The following SMG6 variants were observed in gnomAD, a reference collection of about 807,000 sequenced individuals.
SMG6 encodes the protein SMG6 nonsense mediated mRNA decay factor, also known as telomerase-binding protein EST1A.
In SMG6, 66 loss-of-function variants were observed where a neutral mutation model predicts 142.2. That is an observed-to-expected ratio of 0.46 (90% CI 0.38 to 0.57). SMG6 has a LOEUF of 0.57. Ranked by LOEUF, SMG6 falls within the 20% of genes least tolerant of loss-of-function variation. The probability of loss-of-function intolerance (pLI) is 0.00; values close to 1 mark genes in which losing one functional copy is unlikely to be tolerated. For synonymous variants in SMG6, 779 were observed against 702.4 expected (o/e 1.11, Z -1.72); for missense variants, 1,793 against 1,832.0 (o/e 0.98, Z 0.39).
chr17:2,266,316 G>T, intron 8 of SMG6: 1 of 343,688 alleles, frequency 2.9e-6, no homozygotes, highest in Non-Finnish European at 4.1e-6. Flanking sequence ...CTGAGACCTG[G>T]TGAGTTTTGA....
At chr17:2,088,279 G>A in intron 13 of SMG6, 1 of 985,444 alleles carries the variant, frequency 1.0e-6, no homozygotes, top group Non-Finnish European at 1.2e-6. Context: ...AGCCACATGT[G>A]TGGATGTGGG....
chr17:2,086,522 T>G (rs1354705241), intron 13 of SMG6, among the ~76,000 whole-genome samples: 2 of 152,042 alleles, frequency 1.3e-5, no homozygotes, highest in Non-Finnish European at 2.9e-5. Context: ...GCAGAGCAGG[T>G]GGGGATGTTT....
chr17:2,173,562 T>G (rs1160828327), intron 12 of SMG6, among the ~76,000 whole-genome samples: 1 of 152,112 alleles, frequency 6.6e-6, no homozygotes, highest in East Asian at 1.9e-4. Flanking sequence ...GATCAACTAT[T>G]CCGGTTTGTG....
intron 13 of SMG6, among the ~76,000 whole-genome samples, chr17:2,114,655 G>A (rs751172606): frequency 9.1e-4 from 138 of 152,020 alleles, no homozygotes; most frequent in Non-Finnish European, 1.7e-3. Context: ...GGGGCCAGGC[G>A]CGGTGGCTCA....
chr17:2,145,511 T>C (rs1377517344), intron 13 of SMG6, among the ~76,000 whole-genome samples: 1 of 151,674 alleles, frequency 6.6e-6, no homozygotes, highest in Non-Finnish European at 1.5e-5. Context: ...TTAAGCTCCT[T>C]GAGTTCTAAA....
At chr17:2,197,811 A>G (rs899228462) in intron 10 of SMG6, among the ~76,000 whole-genome samples, 1 of 152,246 alleles carries the variant, frequency 6.6e-6, no homozygotes, top group Non-Finnish European at 1.5e-5. Flanking sequence ...AATGGCTAAA[A>G]TAAAAAACAG....
At chr17:2,147,995 G>T (rs922455206) in intron 13 of SMG6, among the ~76,000 whole-genome samples, 4 of 152,108 alleles carry the variant, frequency 2.6e-5, no homozygotes, top group Non-Finnish European at 4.4e-5. Flanking sequence ...TTCGACACCA[G>T]CCTGGGCAAC....
intron 10 of SMG6, among the ~76,000 whole-genome samples, chr17:2,215,183 T>C (rs568929658): frequency 1.3e-5 from 2 of 151,712 alleles, no homozygotes; most frequent in South Asian, 2.1e-4. Context: ...TGGCTGCTGA[T>C]GCACAAAGGC....
rs9900208 is a variant in SMG6, at chr17:2,064,155, G to A, written c.4129+918C>T. Among the ~76,000 whole-genome samples, 190 of 152,266 alleles carry A rather than the reference G, an allele frequency of 1.2e-3. 3 individuals are homozygous for A. Among genetic ancestry groups the A allele is most frequent in the African/African-American group, 4.5e-3 (185 of 41,532 alleles). On this transcript the variant is annotated intron_variant, in intron 18 of 18. Coordinates refer to ENST00000263073, the MANE Select transcript of SMG6 (RefSeq NM_017575.5). ...AAGAAACACGCACAGAAAGGAGAGA[G>A]CAGCAGAGACGGAAAGGCAATGACA...
chr17:2,259,502 C>T (rs1170321440), intron 8 of SMG6, among the ~76,000 whole-genome samples: 2 of 151,758 alleles, frequency 1.3e-5, no homozygotes, highest in Non-Finnish European at 2.9e-5. Context: ...ACAGTGAGAC[C>T]TCATCTCTAC....
At chr17:2,158,024 CAAGT>C (rs1432893622) in intron 13 of SMG6, among the ~76,000 whole-genome samples, 2 of 152,016 alleles carry the variant, frequency 1.3e-5, no homozygotes, top group Non-Finnish European at 2.9e-5. Flanking sequence ...AAAGAAACCA[CAAGT>C]AAGAATTTAA....
intron 10 of SMG6, among the ~76,000 whole-genome samples, chr17:2,234,219 TC>T (rs1234769123): frequency 1.3e-5 from 2 of 151,994 alleles, no homozygotes; most frequent in Non-Finnish European, 2.9e-5. Context: ...CATCTTACCT[TC>T]CTTTTACCTG....
intron 13 of SMG6, among the ~76,000 whole-genome samples, chr17:2,161,105 CTT>C (rs34928313): frequency 1.2e-3 from 159 of 132,564 alleles, no homozygotes; most frequent in Admixed American, 3.2e-3. Context: ...ATAACTGACC[CTT>C]TTTTTTTTTT....
chr17:2,275,965 T>C (rs1318661052), intron 8 of SMG6, among the ~76,000 whole-genome samples: 1 of 152,146 alleles, frequency 6.6e-6, no homozygotes, highest in Non-Finnish European at 1.5e-5. Flanking sequence ...GAGAACAGAC[T>C]AGTTGGGATG....
Position 2,299,456 on chromosome 17 carries a change from G to C in SMG6, c.1297C>G (p.Arg433Gly). The change falls in exon 2 of 19, where the codon CGG becomes GGG. Residue 433 changes from arginine (R) to glycine (G), a missense_variant. By Grantham distance (125) the Arg-to-Gly change is moderately radical (BLOSUM62 -2). This residue lies in a region of SMG6 where 1,597 missense variants were observed against 1,584.6 expected (regional missense o/e 1.01). Coordinates refer to ENST00000263073, the MANE Select transcript of SMG6 (RefSeq NM_017575.5). This position sits in a 1 kb window ranked among gnomAD's most constrained non-coding sequence, Gnocchi z 4.3. ...GSPESAPLGP[R>G]LLFGSGSKGS... ...TTACTACCAGATCCAAACAAAAGCC[G>C]AGGTCCCAAAGGCGCGGACTCTGGA... 1 of 1,614,082 alleles carries C rather than the reference G, an allele frequency of 6.2e-7. No homozygotes were observed. The highest frequency in any genetic ancestry group is 1.3e-5 in the African/African-American group (1 of 75,008).
chr17:2,156,507 C>A (rs886143357), intron 13 of SMG6, among the ~76,000 whole-genome samples: 3 of 151,482 alleles, frequency 2.0e-5, no homozygotes, highest in African/African-American at 7.3e-5. Flanking sequence ...CTGTTATTTC[C>A]CAAAGAGATC....
chr17:2,089,960 G>C (rs1158567589), intron 13 of SMG6, among the ~76,000 whole-genome samples: 1 of 152,060 alleles, frequency 6.6e-6, no homozygotes, highest in East Asian at 1.9e-4. Flanking sequence ...AAGGTGGGCA[G>C]ATCACCTGAG....
At chr17:2,219,446 G>A (rs375222025) in intron 10 of SMG6, among the ~76,000 whole-genome samples, 2 of 151,792 alleles carry the variant, frequency 1.3e-5, no homozygotes, top group African/African-American at 4.8e-5. Flanking sequence ...GTGGTTGCTG[G>A]ACATTCTCAA....
chr17:2,076,051 A>C (rs556610835), intron 15 of SMG6, among the ~76,000 whole-genome samples: 2 of 152,326 alleles, frequency 1.3e-5, no homozygotes, highest in Non-Finnish European at 2.9e-5. Context: ...GGGTCTAGGT[A>C]AGAGCAGGGA....
Sources: gnomAD v4.1 joint callset for allele counts (sites outside exome capture counted in the v4.1 genomes callset) on GRCh38, gnomAD v4.1.1 for gene constraint, gnomAD v4.1.1 regional missense constraint, Gnocchi (gnomAD v3.1) non-coding constraint, MANE v1.5 for transcripts, NCBI Gene and HGNC (gene_info 2026-07-23, HGNC 2026-07-21) for gene names.